The following PRKCH variants were observed in gnomAD, a reference collection of about 807,000 sequenced individuals.
The protein encoded by PRKCH is protein kinase C eta, also known as protein kinase C eta type.
In PRKCH, 28 loss-of-function variants were observed where a neutral mutation model predicts 82.5. The ratio of observed to expected loss-of-function variants is 0.34; its 90% CI spans 0.25 to 0.47. The LOEUF (loss-of-function observed/expected upper bound fraction) is 0.47, where lower values mean the gene tolerates loss of function less well. Among genes scored for constraint, PRKCH ranks in the 20% least tolerant of loss-of-function variants. PRKCH has a pLI of 1.00. For synonymous variants in PRKCH, 322 were observed against 327.4 expected (o/e 0.98, Z 0.18); for missense variants, 705 against 881.8 (o/e 0.80, Z 2.54).
At position 61,288,532 on chromosome 14, in the gene PRKCH, C is replaced by A. The variant is rs533430865; in HGVS notation, c.-19+100864C>A. 2.0e-5 allele frequency among the ~76,000 whole-genome samples: 3 copies of A among 152,192 alleles called. No individual in the cohort carries two copies. The East Asian group carries it at 5.8e-4, about 29-fold the overall frequency. On this transcript the variant is annotated intron_variant, in intron 1 of 3. Transcript: ENST00000555185. ...TAATATTCAATCTGGAGATCGTATA[C>A]CCATGGAGTGTTGTAGGGGCCCCTG...
chr14:61,491,477 C>T (rs1886447389), intron 10 of PRKCH, among the ~76,000 whole-genome samples: 1 of 152,202 alleles, frequency 6.6e-6, no homozygotes, highest in African/African-American at 2.4e-5. Context: ...GATACTGGCT[C>T]TTTGAGCTTT....
chr14:61,197,709 C>T (rs185143026), intron 1 of PRKCH, among the ~76,000 whole-genome samples: 2 of 152,274 alleles, frequency 1.3e-5, no homozygotes, highest in East Asian at 3.9e-4. Context: ...AATATTGCCA[C>T]GTTGGGGATT....
At chr14:61,423,687 C>CA (rs1451392258) in intron 2 of PRKCH, among the ~76,000 whole-genome samples, 1 of 152,062 alleles carries the variant, frequency 6.6e-6, no homozygotes, top group Non-Finnish European at 1.5e-5. Flanking sequence ...TGATGGTTGA[C>CA]ACCTAAAGGG....
chr14:61,389,468 A>G (rs933352774), intron 1 of PRKCH, among the ~76,000 whole-genome samples: 1 of 152,036 alleles, frequency 6.6e-6, no homozygotes, highest in African/African-American at 2.4e-5. Context: ...AGGTGGGAGG[A>G]TTGCTTGAGC....
chr14:61,398,866 T>G (rs2140214163), intron 2 of PRKCH, among the ~76,000 whole-genome samples: 1 of 152,306 alleles, frequency 6.6e-6, no homozygotes, highest in East Asian at 1.9e-4. Context: ...ATATTAATCA[T>G]TTGCAATATA....
chr14:61,228,898 T>C (rs1480353991), intron 1 of PRKCH, among the ~76,000 whole-genome samples: 1 of 151,314 alleles, frequency 6.6e-6, no homozygotes, highest in African/African-American at 2.4e-5. Flanking sequence ...TTTTTTAATA[T>C]AAAAAATATA....
intron 1 of PRKCH, among the ~76,000 whole-genome samples, chr14:61,266,880 G>T (rs1388962344): frequency 6.6e-6 from 1 of 152,138 alleles, no homozygotes; most frequent in Non-Finnish European, 1.5e-5. Context: ...TGATGGGGAT[G>T]GGTGATGGGA....
chr14:61,513,016 A>C (rs2042769437), intron 10 of PRKCH, among the ~76,000 whole-genome samples: 1 of 152,178 alleles, frequency 6.6e-6, no homozygotes, highest in Non-Finnish European at 1.5e-5. Context: ...ACAGGGTCTC[A>C]CTGTGTTGCC....
At chr14:61,306,217 T>C (rs1320119182) in intron 1 of PRKCH, 2 of 152,238 alleles carry the variant, frequency 1.3e-5, no homozygotes, top group Admixed American at 6.5e-5. Flanking sequence ...GTGTTTGCAG[T>C]ACTGCACAGT....
chr14:61,511,644 G>A (rs189312332), intron 10 of PRKCH, among the ~76,000 whole-genome samples: 35 of 152,334 alleles, frequency 2.3e-4, no homozygotes, highest in Admixed American at 1.9e-3. Context: ...CCAATAAGAT[G>A]GCATAAATGC....
At chr14:61,311,622 C>T (rs994347028) in intron 1 of PRKCH, among the ~76,000 whole-genome samples, 1 of 152,162 alleles carries the variant, frequency 6.6e-6, no homozygotes, top group Non-Finnish European at 1.5e-5. Flanking sequence ...CTCTTGGTAC[C>T]AATTTACTGT....
intron 10 of PRKCH, among the ~76,000 whole-genome samples, chr14:61,498,988 T>C (rs1438387881): frequency 2.6e-5 from 4 of 152,162 alleles, no homozygotes; most frequent in African/African-American, 9.7e-5. Flanking sequence ...GGAAAACAGC[T>C]CCTGCTACAG....
chr14:61,529,818 G>C, intron 11 of PRKCH, among the ~76,000 whole-genome samples: 1 of 150,556 alleles, frequency 6.6e-6, no homozygotes, highest in Non-Finnish European at 1.5e-5. Context: ...TGACGAGTTA[G>C]TGGGTGCAGC....
intron 1 of PRKCH, among the ~76,000 whole-genome samples, chr14:61,247,382 A>G (rs1246150974): frequency 5.3e-5 from 8 of 152,102 alleles, no homozygotes; most frequent in Non-Finnish European, 1.2e-4. Flanking sequence ...GGTTTAAATG[A>G]AAATCCAAGA....
At chr14:61,286,527 A>G (rs2045315074) in intron 1 of PRKCH, among the ~76,000 whole-genome samples, 1 of 152,238 alleles carries the variant, frequency 6.6e-6, no homozygotes, top group African/African-American at 2.4e-5. Flanking sequence ...CTGTAATCCC[A>G]GCACTTTGGG....
At chr14:61,512,222 T>G (rs1490044843) in intron 10 of PRKCH, among the ~76,000 whole-genome samples, 4 of 150,200 alleles carry the variant, frequency 2.7e-5, no homozygotes, top group Admixed American at 2.7e-4. Flanking sequence ...TACTACATCC[T>G]GAAACTGGGC....
chr14:61,361,553 C>T (rs1158068494), intron 1 of PRKCH, among the ~76,000 whole-genome samples: 5 of 152,116 alleles, frequency 3.3e-5, no homozygotes, highest in African/African-American at 1.2e-4. Flanking sequence ...TACAATAAGG[C>T]TCATTTTATA....
rs994276824 is a variant in PRKCH at position 61,465,589 on chromosome 14, G to A, written c.1278+7910G>A. Among the ~76,000 whole-genome samples, 9 of 152,138 alleles carry A rather than the reference G, an allele frequency of 5.9e-5. 1 individual carries two copies. The South Asian group carries it at 1.7e-3, about 28-fold the overall frequency. On this transcript the variant is annotated intron_variant, in intron 9 of 13. Transcript: ENST00000332981. Reference sequence around the variant, plus strand: ...TTCTGTCCCATTGGTCTATATATCTGTTTTTATGCCAGTACCATAATGTTT... The same window carrying A: ...TTCTGTCCCATTGGTCTATATATCTATTTTTATGCCAGTACCATAATGTTT...
chr14:61,545,115 G>T (rs1463440471), intron 12 of PRKCH: 2 of 152,172 alleles, frequency 1.3e-5, no homozygotes, highest in African/African-American at 4.8e-5. Context: ...CCCACCGGCT[G>T]CCCCCGCAGT....
Sources: allele counts gnomAD v4.1 joint callset (sites outside exome capture counted in the v4.1 genomes callset), GRCh38; gene constraint gnomAD v4.1.1; transcripts MANE v1.5; gene names NCBI Gene and HGNC (gene_info 2026-07-23, HGNC 2026-07-21).